The following TVP23A variants were observed in gnomAD, a reference collection of about 807,000 sequenced individuals.
The protein encoded by TVP23A is trans-golgi network vesicle protein 23 homolog A, also known as Golgi apparatus membrane protein TVP23 homolog A.
In TVP23A, 21 loss-of-function variants were observed where a neutral mutation model predicts 31.7. The ratio of observed to expected loss-of-function variants is 0.66; its 90% CI spans 0.47 to 0.95. The LOEUF (loss-of-function observed/expected upper bound fraction) is 0.95, where lower values mean the gene tolerates loss of function less well. TVP23A is among the 40% of genes least tolerant of loss of function. The pLI is 0.00. For missense variants in TVP23A, 279 were observed against 255.6 expected, an observed-to-expected ratio of 1.09 and a Z score of -0.62; for synonymous variants, 104 against 96.0, an observed-to-expected ratio of 1.08 and a Z score of -0.49.
At chr16:10,808,127 G>A (rs2034027592) in intron 2 of TVP23A, among the ~76,000 whole-genome samples, 1 of 152,182 alleles carries the variant, frequency 6.6e-6, no homozygotes, top group South Asian at 2.1e-4. Flanking sequence ...GCCTAGGTTT[G>A]TAATGAAGAT....
At chr16:10,805,044 C>G (rs2033879544) in intron 2 of TVP23A, among the ~76,000 whole-genome samples, 1 of 151,982 alleles carries the variant, frequency 6.6e-6, no homozygotes, top group African/African-American at 2.4e-5. Flanking sequence ...TTTTCTTTTT[C>G]TTTCTTTTTT....
intron 2 of TVP23A, among the ~76,000 whole-genome samples, chr16:10,787,319 G>C (rs1217180149): frequency 6.6e-6 from 1 of 152,108 alleles, no homozygotes; most frequent in Non-Finnish European, 1.5e-5. Flanking sequence ...TCCCAATAAA[G>C]AGCAGCCTGT....
chr16:10,786,734 ACC>A (rs1491049988), intron 2 of TVP23A, among the ~76,000 whole-genome samples: 8 of 1,662 alleles, frequency 4.8e-3, no homozygotes, highest in African/African-American at 0.013. Context: ...GGCATTGGGA[ACC>A]TGGTGATGAC....
chr16:10,774,550 C>T (rs1011106207), intron 3 of TVP23A, among the ~76,000 whole-genome samples: 6 of 150,896 alleles, frequency 4.0e-5, no homozygotes, highest in African/African-American at 1.5e-4. Flanking sequence ...ATAAGTGCCA[C>T]GAGATCTGAT....
intron 5 of TVP23A, among the ~76,000 whole-genome samples, chr16:10,772,994 C>T (rs147322645): frequency 9.2e-4 from 140 of 152,158 alleles, no homozygotes; most frequent in African/African-American, 3.0e-3. Context: ...GCGTGCACAC[C>T]ATCATGCCTG....
intron 2 of TVP23A, among the ~76,000 whole-genome samples, 156 bp downstream of exon 2, chr16:10,817,947 G>A (rs911714083): frequency 6.6e-6 from 1 of 152,192 alleles, no homozygotes; most frequent in Admixed American, 6.5e-5. Flanking sequence ...GCAGGCTCCA[G>A]GAGGGCAGGG....
intron 2 of TVP23A, among the ~76,000 whole-genome samples, chr16:10,797,942 A>G (rs1341131933): frequency 7.3e-6 from 1 of 137,184 alleles, no homozygotes; most frequent in Non-Finnish European, 1.6e-5. Flanking sequence ...TATAGTAAAT[A>G]TTTTTTCTTT....
chr16:10,767,198 C>G lies in TVP23A; in HGVS notation c.*1904G>C, dbSNP rs935830312. The G allele has an allele frequency of 2.2e-5, 9 of 400,026 alleles. No individual in the cohort carries two copies. The highest frequency in any genetic ancestry group is 1.8e-4 in the African/African-American group (9 of 48,682). 24.8% of individuals were successfully genotyped at this position (400,026 alleles called of 1,614,324 possible). On this transcript the variant is annotated 3_prime_UTR_variant, in exon 8 of 8. Coordinates refer to ENST00000299866, the MANE Select transcript of TVP23A (RefSeq NM_001079512.4). The surrounding 1 kb of genome is among the most constrained non-coding windows in gnomAD (Gnocchi z 4.6). ...AAGCTGATGGCAGGTCCACCCACGACTGGGGGCTGGCAGGGCAGACTGGAG... is the reference window on the plus strand; with the variant it reads ...AAGCTGATGGCAGGTCCACCCACGAGTGGGGGCTGGCAGGGCAGACTGGAG...
Position 10,783,938 on chromosome 16 carries a change from G to A in TVP23A, c.90-8842C>T, listed in dbSNP as rs150330550. On this transcript the variant is annotated intron_variant, in intron 2 of 7. Coordinates refer to ENST00000299866, the MANE Select transcript of TVP23A (RefSeq NM_001079512.4). ...GGTTGCCAGGAGTTCCAGAGGGTGG[G>A]GAGGGATGCATAGGTGGAGCAGAGG... 2.4e-3 allele frequency among the ~76,000 whole-genome samples: 371 copies of A among 152,258 alleles called. 1 individual carries two copies. Among genetic ancestry groups the A allele is most frequent in the African/African-American group, 8.8e-3 (365 of 41,536 alleles).
chr16:10,787,952 T>A (rs1055036644), intron 2 of TVP23A, among the ~76,000 whole-genome samples: 2 of 151,992 alleles, frequency 1.3e-5, no homozygotes, highest in Non-Finnish European at 2.9e-5. Context: ...CTCTGTAAAA[T>A]ATTTAAAGAG....
At chr16:10,802,241 C>CGTGTGTGT (rs61036988) in intron 2 of TVP23A, among the ~76,000 whole-genome samples, 7 of 130,488 alleles carry the variant, frequency 5.4e-5, no homozygotes, top group East Asian at 2.4e-4. Context: ...TTATATGATA[C>CGTGTGTGT]GTGTGTGTGT....
At chr16:10,790,244 T>TCAAAATATGA (rs932527096) in intron 2 of TVP23A, among the ~76,000 whole-genome samples, 2 of 151,978 alleles carry the variant, frequency 1.3e-5, no homozygotes, top group African/African-American at 4.8e-5. Context: ...CAGGACCATT[T>TCAAAATATGA]CAAAATATGA....
chr16:10,814,252 G>C (rs988787754), intron 2 of TVP23A, among the ~76,000 whole-genome samples: 1 of 152,090 alleles, frequency 6.6e-6, no homozygotes, highest in African/African-American at 2.4e-5. Context: ...ATACCCACCT[G>C]GATACATGAA....
At chr16:10,780,416 T>G (rs909334587) in intron 2 of TVP23A, among the ~76,000 whole-genome samples, 4 of 152,156 alleles carry the variant, frequency 2.6e-5, no homozygotes, top group Admixed American at 2.0e-4. Context: ...AGGAAAGACC[T>G]GGGCACAACT....
chr16:10,769,272 T>C, intron 7 of TVP23A, 171 bp from the exon 8 acceptor site: 1 of 599,672 alleles, frequency 1.7e-6, no homozygotes, highest in Non-Finnish European at 3.0e-6. Flanking sequence ...ATTGAGTATT[T>C]GTACACTTTT....
Position 10,818,294 on chromosome 16 carries a change from T to C in TVP23A, c.10-112A>G, listed in dbSNP as rs2034531476. 2 of 1,266,382 alleles carry C rather than the reference T, an allele frequency of 1.6e-6. No individual in the cohort carries two copies. The highest frequency in any genetic ancestry group is 2.6e-5 in the South Asian group (2 of 77,054). The allele number at this position is 1,266,382 out of a possible 1,614,324, so 78.4% of individuals were successfully genotyped here. A position where few individuals can be genotyped will look rare whatever the true frequency, so the allele number is the denominator to read the frequency against. ...ACTTGCACCCCACCGGGTTCCCAAG[T>C]GGACCCTCCGAGCTGGCGGGGCCCC... On this transcript the variant is annotated intron_variant, in intron 1 of 7. Transcript: ENST00000299866. The surrounding 1 kb of genome is among the most constrained non-coding windows in gnomAD (Gnocchi z 4.7).
chr16:10,792,763 C>T (rs551664807), intron 2 of TVP23A, among the ~76,000 whole-genome samples: 3 of 152,332 alleles, frequency 2.0e-5, no homozygotes, highest in East Asian at 1.9e-4. Context: ...CCTTCTGAAA[C>T]GGGCTTCTTA....
chr16:10,768,266 C>A lies in TVP23A; in HGVS notation c.*836G>T. The stretch of plus-strand genomic sequence containing the variant: ...GAAATTTATGGCTTAGGAAATACAT[C>A]CCAATAAAGGGATAAAGTAATTCAT... On this transcript the variant is annotated 3_prime_UTR_variant, in exon 8 of 8. Coordinates refer to ENST00000299866, the MANE Select transcript of TVP23A (RefSeq NM_001079512.4). This position sits in a 1 kb window ranked among gnomAD's most constrained non-coding sequence, Gnocchi z 4.3. 1 of 380,662 alleles carries A rather than the reference C, an allele frequency of 2.6e-6. No individual in the cohort carries two copies. Among genetic ancestry groups the A allele is most frequent in the Non-Finnish European group, 4.7e-6 (1 of 211,714 alleles). The allele number at this position is 380,662 out of a possible 1,614,324, so 23.6% of individuals were successfully genotyped here.
chr16:10,787,293 C>G (rs1195288263), intron 2 of TVP23A, among the ~76,000 whole-genome samples: 1 of 152,124 alleles, frequency 6.6e-6, no homozygotes, highest in African/African-American at 2.4e-5. Flanking sequence ...AAAAGCAGCC[C>G]CAAAATTATT....
Sources: allele counts gnomAD v4.1 joint callset (sites outside exome capture counted in the v4.1 genomes callset), GRCh38; gene constraint gnomAD v4.1.1; non-coding constraint Gnocchi (gnomAD v3.1); transcripts MANE v1.5; gene names NCBI Gene and HGNC (gene_info 2026-07-23, HGNC 2026-07-21).